PROM1: variants seen among roughly 807,000 people sequenced by gnomAD.
PROM1 encodes the protein prominin 1, also known as prominin-1.
A neutral mutation model predicts 116.9 loss-of-function variants in PROM1; 105 were observed. The observed-to-expected ratio is 0.90, with a 90% confidence interval of 0.77 to 1.06. The LOEUF is 1.06. Among genes scored for constraint, PROM1 ranks in the 50% least tolerant of loss-of-function variants. The probability of loss-of-function intolerance (pLI) is 0.00; values close to 1 mark genes in which losing one functional copy is unlikely to be tolerated. For missense variants in PROM1, 1,122 were observed against 1,045.2 expected, an observed-to-expected ratio of 1.07 and a Z score of -1.01; for synonymous variants, 393 against 387.0, an observed-to-expected ratio of 1.02 and a Z score of -0.18.
chr4:15,989,948 G>T, intron 18 of PROM1, 124 bp from the exon 19 acceptor site: 1 of 727,392 alleles, frequency 1.4e-6, no homozygotes, highest in Non-Finnish European at 2.3e-6. Context: ...TGATGGCTGT[G>T]AGTGGGCATG....
chr4:15,992,788 G>A (rs1560426703), intron 16 of PROM1, among the ~76,000 whole-genome samples: 1 of 152,262 alleles, frequency 6.6e-6, no homozygotes, highest in East Asian at 1.9e-4. Flanking sequence ...AAGCTGAAAG[G>A]GACACAGGGT....
chr4:16,024,839 G>C (rs554270304), intron 6 of PROM1, among the ~76,000 whole-genome samples: 4 of 152,266 alleles, frequency 2.6e-5, no homozygotes, highest in African/African-American at 9.6e-5. Context: ...CTTTGTACAA[G>C]TGATGGAAAG....
At chr4:16,022,927 A>T (rs1405615876) in intron 8 of PROM1, among the ~76,000 whole-genome samples, 2 of 152,180 alleles carry the variant, frequency 1.3e-5, no homozygotes, top group Non-Finnish European at 2.9e-5. Flanking sequence ...ATTTTTCTAT[A>T]AAAGGCCAGA....
At chr4:16,023,456 G>T in intron 7 of PROM1, 41 bp from the exon 8 acceptor site, 1 of 1,451,070 alleles carries the variant, frequency 6.9e-7, no homozygotes, top group Non-Finnish European at 9.5e-7. Flanking sequence ...GGTGGCCTCT[G>T]CTCATCTCTC....
chr4:15,991,166 A>G, intron 18 of PROM1, 56 bp downstream of exon 18: 1 of 1,422,892 alleles, frequency 7.0e-7, no homozygotes. Flanking sequence ...TAAGAATGGT[A>G]CTGACATTTG....
intron 16 of PROM1, 132 bp from the exon 17 acceptor site, chr4:15,992,523 T>A: frequency 1.1e-6 from 1 of 932,120 alleles, no homozygotes; most frequent in Non-Finnish European, 1.6e-6. Flanking sequence ...GAGGCTGAGG[T>A]GGGAGGATCG....
chr4:16,009,351 T>C (rs1726307041), intron 11 of PROM1, among the ~76,000 whole-genome samples: 1 of 152,238 alleles, frequency 6.6e-6, no homozygotes, highest in Non-Finnish European at 1.5e-5. Flanking sequence ...TCAAGCCAGT[T>C]TCCTTCTTCC....
chr4:16,062,724 CAATT>C (rs1421483023), intron 2 of PROM1, among the ~76,000 whole-genome samples: 9 of 152,186 alleles, frequency 5.9e-5, no homozygotes, highest in Admixed American at 4.6e-4. Context: ...AAACTTCTAA[CAATT>C]AACGCCTAAC....
intron 1 of PROM1, among the ~76,000 whole-genome samples, chr4:16,079,003 A>G (rs1449530471): frequency 6.6e-6 from 1 of 152,154 alleles, no homozygotes; most frequent in Non-Finnish European, 1.5e-5. Context: ...CACATCCACA[A>G]TAGACACCTT....
intron 26 of PROM1, among the ~76,000 whole-genome samples, chr4:15,974,115 TCTTTCTC>T (rs1577742847): frequency 1.2e-5 from 1 of 84,754 alleles, no homozygotes; most frequent in Non-Finnish European, 3.0e-5. Context: ...ACACTCTCTC[TCTTTCTC>T]TCTCTCTCTC....
chr4:16,067,082 G>T (rs182637255), intron 2 of PROM1, among the ~76,000 whole-genome samples: 3 of 152,130 alleles, frequency 2.0e-5, no homozygotes, highest in Non-Finnish European at 2.9e-5. Flanking sequence ...CTGCAGACAC[G>T]TCACCTGCCA....
At chr4:16,054,692 A>C (rs747011204) in intron 2 of PROM1, among the ~76,000 whole-genome samples, 2 of 152,184 alleles carry the variant, frequency 1.3e-5, no homozygotes, top group African/African-American at 2.4e-5. Context: ...TGAGCAATTA[A>C]TAGAGTTGCT....
intron 8 of PROM1, among the ~76,000 whole-genome samples, chr4:16,022,592 A>AG (rs56884896): frequency 0.15 from 23,255 of 152,190 alleles, 1,976 homozygotes; most frequent in African/African-American, 0.22. Context: ...CTATGTTCTC[A>AG]GGGATGCTAG....
intron 23 of PROM1, among the ~76,000 whole-genome samples, chr4:15,983,619 A>C (rs1718534555): frequency 6.6e-6 from 1 of 152,148 alleles, no homozygotes; most frequent in Admixed American, 6.5e-5. Flanking sequence ...TATTTGATGA[A>C]GTGAAAGAAG....
intron 13 of PROM1, among the ~76,000 whole-genome samples, chr4:16,006,098 G>A: frequency 6.6e-6 from 1 of 152,192 alleles, no homozygotes. Context: ...TCTAAATCAA[G>A]TTTCTAGAAT....
chr4:16,004,692 A>T (rs1055806707), intron 13 of PROM1, among the ~76,000 whole-genome samples: 3 of 152,320 alleles, frequency 2.0e-5, no homozygotes, highest in Non-Finnish European at 4.4e-5. Flanking sequence ...CTTCTGTTTA[A>T]TGTATTTTTG....
intron 2 of PROM1, among the ~76,000 whole-genome samples, chr4:16,047,696 A>AC (rs531441224): frequency 6.6e-6 from 1 of 152,000 alleles, no homozygotes; most frequent in Non-Finnish European, 1.5e-5. Context: ...GCCTAACTCC[A>AC]CCCCAGCCAG....
At chr4:15,981,399 T>C (rs996696751) in intron 23 of PROM1, among the ~76,000 whole-genome samples, 3 of 151,666 alleles carry the variant, frequency 2.0e-5, no homozygotes, top group East Asian at 3.9e-4. Flanking sequence ...TGAAACCCCG[T>C]CTCTACTAAA....
intron 13 of PROM1, among the ~76,000 whole-genome samples, chr4:16,003,636 C>T (rs1724455687): frequency 6.6e-6 from 1 of 152,206 alleles, no homozygotes; most frequent in East Asian, 1.9e-4. Context: ...ACATTCACCA[C>T]TGCATCCTAT....
Sources: gnomAD v4.1 joint callset for allele counts (sites outside exome capture counted in the v4.1 genomes callset) on GRCh38, gnomAD v4.1.1 for gene constraint, MANE v1.5 for transcripts, NCBI Gene and HGNC (gene_info 2026-07-23, HGNC 2026-07-21) for gene names.